The following CEP250 variants were observed in gnomAD, a reference collection of about 807,000 sequenced individuals.
CEP250 encodes centrosome-associated protein CEP250.
A neutral mutation model predicts 315.7 loss-of-function variants in CEP250; 242 were observed. That is an observed-to-expected ratio of 0.77 (90% CI 0.69 to 0.85). The LOEUF (loss-of-function observed/expected upper bound fraction) is 0.85, where lower values mean the gene tolerates loss of function less well. Among genes scored for constraint, CEP250 ranks in the 40% least tolerant of loss-of-function variants. The pLI is 0.00. For missense variants in CEP250, 2,515 were observed against 2,886.4 expected (o/e 0.87, Z 2.95); for synonymous variants, 1,088 against 1,175.0 (o/e 0.93, Z 1.51).
At position 35,467,007 on chromosome 20, in the gene CEP250, C is replaced by CA. The variant is rs2062895315; in HGVS notation, c.535dup (p.Ser179LysfsTer21). 6.2e-7 allele frequency: 1 copy of CA among 1,613,778 alleles called. No homozygotes were observed. Among genetic ancestry groups the CA allele is most frequent in the African/African-American group, 1.3e-5 (1 of 74,910 alleles). ...TGAAAGGGGAGCACGGTCGCCTTCT[C>CA]AGTCTATGGCGGGAGGTTGTGACAT... On this transcript the variant is annotated frameshift_variant, in exon 8 of 35. Transcript: ENST00000397527. LOFTEE classifies it high-confidence loss of function.
chr20:35,509,390 A>C (rs907694548), intron 33 of CEP250, among the ~76,000 whole-genome samples: 10 of 152,126 alleles, frequency 6.6e-5, no homozygotes, highest in African/African-American at 2.4e-4. Context: ...GCTCCTGAGG[A>C]GCCTAGGAGC....
chr20:35,456,531 G>A (rs946093445), intron 1 of CEP250, among the ~76,000 whole-genome samples: 2 of 152,170 alleles, frequency 1.3e-5, no homozygotes, highest in African/African-American at 4.8e-5. Flanking sequence ...CTACTGGTAC[G>A]CCCTCTGTTC....
Position 35,508,156 on chromosome 20 carries a change from G to A in CEP250, c.6872G>A (p.Arg2291His), listed in dbSNP as rs143561620. ...GAGATTGACAGGAGCAGGCTGCAGC[G>A]CCACAATGTCCAGCTGCGGAGTACC... Reference protein sequence around the residue: ...RLEIDRSRLQRHNVQLRSTLE... With the variant: ...RLEIDRSRLQHHNVQLRSTLE... The change falls in exon 32 of 35, where the codon CGC (arginine) becomes CAC (histidine). Residue 2291 changes from arginine (R) to histidine (H), a missense_variant. Transcript: ENST00000397527. 1.4e-5 allele frequency: 23 copies of A among 1,613,924 alleles called. No homozygotes were observed. The highest frequency in any genetic ancestry group is 1.6e-4 in the Middle Eastern group (1 of 6,082).
At position 35,501,933 on chromosome 20, in the gene CEP250, G is replaced by C. The variant is rs1472212042; in HGVS notation, c.3987G>C (p.Leu1329=). 3 of 1,613,422 alleles carry C rather than the reference G, an allele frequency of 1.9e-6. No homozygotes were observed. Among genetic ancestry groups the C allele is most frequent in the Non-Finnish European group, 2.5e-6 (3 of 1,180,032 alleles). The change falls in exon 29 of 35, where the codon CTG becomes CTC. Residue 1329 remains leucine (L), a synonymous_variant. Coordinates refer to ENST00000397527, the MANE Select transcript of CEP250 (RefSeq NM_007186.6). Reference sequence around the variant, plus strand: ...CTATGGCATCCTTACAGAGTCGCCTGCGGAGAGCAGAGCTACAGCGAATGG... The same window carrying C: ...CTATGGCATCCTTACAGAGTCGCCTCCGGAGAGCAGAGCTACAGCGAATGG... ...HETMASLQSR[L]RRAELQRMEA... is the part of the protein sequence containing the mutation.
At chr20:35,485,457 A>G (rs2063482592) in intron 20 of CEP250, among the ~76,000 whole-genome samples, 1 of 151,388 alleles carries the variant, frequency 6.6e-6, no homozygotes, top group Non-Finnish European at 1.5e-5. Context: ...TCCACATACT[A>G]TAATTTGTTA....
chr20:35,483,553 T>A (rs918972280), intron 20 of CEP250, among the ~76,000 whole-genome samples: 6 of 151,058 alleles, frequency 4.0e-5, no homozygotes, highest in Admixed American at 1.3e-4. Context: ...TTTTTTTTTT[T>A]AGAGATGGGT....
At chr20:35,505,390 C>T (rs886542127) in intron 30 of CEP250, among the ~76,000 whole-genome samples, 1 of 152,138 alleles carries the variant, frequency 6.6e-6, no homozygotes, top group Admixed American at 6.5e-5. Flanking sequence ...CGGTGGCTCA[C>T]GCCGGTAATC....
chr20:35,471,834 G>A (rs1474215929), intron 10 of CEP250, among the ~76,000 whole-genome samples: 1 of 152,184 alleles, frequency 6.6e-6, no homozygotes, highest in Non-Finnish European at 1.5e-5. Flanking sequence ...AATCTGTGAA[G>A]TCCAATTTGG....
At chr20:35,476,683 G>GTTCCTTTTGCTCATTTC in intron 16 of CEP250, 88 bp downstream of exon 16, 1 of 1,151,772 alleles carries the variant, frequency 8.7e-7, no homozygotes, top group Non-Finnish European at 1.3e-6. Flanking sequence ...GGTCTGAAAT[G>GTTCCTTTTGCTCATTTC]AGCAAAAGGA....
At position 35,473,486 on chromosome 20, in the gene CEP250, C is replaced by T; in HGVS notation, c.1322C>T (p.Thr441Ile). 17 of 1,614,142 alleles carry T rather than the reference C, an allele frequency of 1.1e-5. No individual in the cohort carries two copies. Among genetic ancestry groups the T allele is most frequent in the Non-Finnish European group, 1.4e-5 (16 of 1,180,008 alleles). The change falls in exon 13 of 35, where the codon ACT (threonine) becomes ATT (isoleucine). Residue 441 changes from threonine (T) to isoleucine (I), a missense_variant. Coordinates refer to ENST00000397527, the MANE Select transcript of CEP250 (RefSeq NM_007186.6). ...KALRQRLQKL[T>I]GERDTLAGQT... Reference sequence around the variant, plus strand: ...TTGAGACAGCGGCTGCAGAAGCTCACTGGGGAGCGGGACACTCTGGCAGGG... The same window carrying T: ...TTGAGACAGCGGCTGCAGAAGCTCATTGGGGAGCGGGACACTCTGGCAGGG...
rs79813725 is a variant in CEP250 at position 35,475,947 on chromosome 20, A to G, written c.1716+301A>G. ...TGTTTTAGCCTCCCCTTCTACTGCA[A>G]AACCCATCCTAACACCTCATATCCT... is the stretch of plus-strand genomic sequence containing the variant. On this transcript the variant is annotated intron_variant, in intron 15 of 34. Transcript: ENST00000397527. Among the ~76,000 whole-genome samples, 1,016 of 152,314 alleles carry G rather than the reference A, an allele frequency of 6.7e-3. 14 individuals carry two copies. The highest frequency in any genetic ancestry group is 0.023 in the African/African-American group (976 of 41,552).
chr20:35,499,982 G>A lies in CEP250; in HGVS notation c.3778-67G>A, dbSNP rs2063956550. On this transcript the variant is annotated intron_variant, in intron 27 of 34. Transcript: ENST00000397527. ...CACAGAAGCTGAGAATGAGGAGAGA[G>A]CTTGAGCCCTGCATTGTTTTGTGGA... 1.9e-6 allele frequency: 3 copies of A among 1,599,680 alleles called. No individual in the cohort carries two copies. The East Asian group carries it at 6.7e-5, about 36-fold the overall frequency.
chr20:35,498,399 A>G (rs1196855325), intron 26 of CEP250, among the ~76,000 whole-genome samples, 196 bp from the exon 27 acceptor site: 1 of 152,224 alleles, frequency 6.6e-6, no homozygotes, highest in African/African-American at 2.4e-5. Context: ...AATAAGTGAT[A>G]GCTCGCATTA....
chr20:35,490,976 G>A (rs902761286), intron 21 of CEP250, 172 bp downstream of exon 21: 3 of 819,858 alleles, frequency 3.7e-6, no homozygotes, highest in Non-Finnish European at 5.7e-6. Context: ...CACAGTTCCG[G>A]CAGTATGTCA....
chr20:35,485,938 C>T (rs193208415), intron 20 of CEP250, among the ~76,000 whole-genome samples: 6 of 149,984 alleles, frequency 4.0e-5, no homozygotes, highest in Non-Finnish European at 7.4e-5. Context: ...CTGGGGATTA[C>T]AGGCGTGAGC....
At chr20:35,473,578 C>T in intron 13 of CEP250, 26 bp downstream of exon 13, 3 of 1,578,264 alleles carry the variant, frequency 1.9e-6, no homozygotes, top group Non-Finnish European at 2.6e-6. Context: ...GTTCATCCCA[C>T]CCTCCCAGCC....
intron 34 of CEP250, among the ~76,000 whole-genome samples, 176 bp from the exon 35 acceptor site, chr20:35,511,187 A>G (rs774978296): frequency 3.3e-5 from 5 of 152,164 alleles, no homozygotes; most frequent in Non-Finnish European, 7.3e-5. Flanking sequence ...GGATTCTAGA[A>G]TTCCTAAGGG....
In CEP250 at chr20:35,473,344, C is replaced by A. The variant is rs2063073976; in HGVS notation, c.1210-30C>A. The A allele has an allele frequency of 4.4e-6, 7 of 1,578,274 alleles. No individual in the cohort carries two copies. The South Asian group carries it at 8.1e-5, about 18-fold the overall frequency. Reference sequence around the variant, plus strand: ...ACATCCCTCCTTTGCCCTTGTTCATCATCTGGTTTCTCTTGCTCTCTCTCC... The same window carrying A: ...ACATCCCTCCTTTGCCCTTGTTCATAATCTGGTTTCTCTTGCTCTCTCTCC... On this transcript the variant is annotated intron_variant, in intron 12 of 34. Coordinates refer to ENST00000397527, the MANE Select transcript of CEP250 (RefSeq NM_007186.6).
chr20:35,476,079 C>T (rs2063165930), intron 15 of CEP250: 2 of 222,892 alleles, frequency 9.0e-6, no homozygotes, highest in Non-Finnish European at 1.8e-5. Flanking sequence ...CTTTCCTCTT[C>T]CTTTATGTGC....
Sources: allele counts gnomAD v4.1 joint callset (sites outside exome capture counted in the v4.1 genomes callset), GRCh38; gene constraint gnomAD v4.1.1; transcripts MANE v1.5; gene names NCBI Gene and HGNC (gene_info 2026-07-23, HGNC 2026-07-21).